CADPS2: variants seen among roughly 807,000 people sequenced by gnomAD.
CADPS2 encodes calcium-dependent secretion activator 2.
Under a neutral mutation model 172.5 loss-of-function variants are expected in CADPS2, and 93 were observed. The observed-to-expected ratio is 0.54, with a 90% confidence interval of 0.46 to 0.64. The LOEUF (loss-of-function observed/expected upper bound fraction) is 0.64. Ranked by LOEUF, CADPS2 falls within the 30% of genes least tolerant of loss-of-function variation. The pLI is 0.00. For synonymous variants in CADPS2, 546 were observed against 555.2 expected, an observed-to-expected ratio of 0.98 and a Z score of 0.23; for missense variants, 1,420 against 1,565.9, an observed-to-expected ratio of 0.91 and a Z score of 1.57.
chr7:122,519,017 AG>A (rs2060584279), intron 8 of CADPS2, among the ~76,000 whole-genome samples: 2 of 152,018 alleles, frequency 1.3e-5, no homozygotes, highest in Non-Finnish European at 1.5e-5. Flanking sequence ...GAAAAACAAA[AG>A]AACACAAATA....
At chr7:122,812,726 G>A (rs1443985240) in intron 1 of CADPS2, among the ~76,000 whole-genome samples, 1 of 152,060 alleles carries the variant, frequency 6.6e-6, no homozygotes, top group Non-Finnish European at 1.5e-5. Flanking sequence ...TCTCCACCGT[G>A]CTCCCAACAC....
intron 2 of CADPS2, among the ~76,000 whole-genome samples, chr7:122,711,782 A>G (rs146776406): frequency 7.2e-4 from 109 of 152,084 alleles, no homozygotes; most frequent in African/African-American, 2.6e-3. Flanking sequence ...CCCCCTGAAT[A>G]GCTGGGATTA....
At chr7:122,571,527 T>G (rs895937138) in intron 7 of CADPS2, among the ~76,000 whole-genome samples, 1 of 152,206 alleles carries the variant, frequency 6.6e-6, no homozygotes, top group South Asian at 2.1e-4. Context: ...TCAGGCCAAC[T>G]TCTCAGAGAA....
intron 8 of CADPS2, among the ~76,000 whole-genome samples, chr7:122,532,424 T>C (rs1292793408): frequency 1.3e-5 from 2 of 152,182 alleles, no homozygotes; most frequent in Non-Finnish European, 2.9e-5. Flanking sequence ...ATAAAGTATT[T>C]CAAATTGCAC....
rs1401929046 is a variant in CADPS2 at position 122,629,315 on chromosome 7, T to C, written c.800A>G (p.Asp267Gly). ...LYNACQLDNADEQAAQIRREL... is the reference protein window; with the variant it reads ...LYNACQLDNAGEQAAQIRREL... ...CCTTCTGATCTGGGCTGCTTGTTCA[T>C]CTGCGTTATCCAGCTTAAAAATAAA... The change falls in exon 4 of 30, where the codon GAT (aspartate) becomes GGT (glycine). Residue 267 changes from aspartate to glycine, a missense_variant. Coordinates refer to ENST00000449022, the MANE Select transcript of CADPS2 (RefSeq NM_017954.11). 6.2e-7 allele frequency: 1 copy of C among 1,608,610 alleles called. No homozygotes were observed. The highest frequency in any genetic ancestry group is 8.5e-7 in the Non-Finnish European group (1 of 1,177,298).
At chr7:122,673,972 A>G (rs2082138074) in intron 2 of CADPS2, among the ~76,000 whole-genome samples, 1 of 151,288 alleles carries the variant, frequency 6.6e-6, no homozygotes, top group Admixed American at 6.6e-5. Flanking sequence ...CCCAACCCTG[A>G]GCGGGGAGGC....
In CADPS2 at chr7:122,837,433, C is replaced by G. The variant is rs547103037; in HGVS notation, c.339+48566G>C. Reference sequence around the variant, plus strand: ...AGGCAAGAAATAACTAAGATCAGAGCACAACTGAAGGCGACAGAGACACAA... The same window carrying G: ...AGGCAAGAAATAACTAAGATCAGAGGACAACTGAAGGCGACAGAGACACAA... On this transcript the variant is annotated intron_variant, in intron 1 of 29. Transcript: ENST00000449022. Among the ~76,000 whole-genome samples the G allele has an allele frequency of 5.3e-5, 8 of 152,226 alleles. No individual in the cohort carries two copies. In the East Asian group the frequency reaches 1.5e-3, roughly 29 times the overall value.
At chr7:122,536,268 G>T (rs2062260870) in intron 8 of CADPS2, among the ~76,000 whole-genome samples, 1 of 152,038 alleles carries the variant, frequency 6.6e-6, no homozygotes, top group Non-Finnish European at 1.5e-5. Context: ...CCTGTTAATT[G>T]CAAAACAGTG....
intron 2 of CADPS2, among the ~76,000 whole-genome samples, chr7:122,704,199 G>C (rs1354040842): frequency 6.6e-6 from 1 of 151,882 alleles, no homozygotes; most frequent in African/African-American, 2.4e-5. Context: ...GTATTCCCTG[G>C]CCTATTTTAG....
At chr7:122,336,037 T>A (rs938561287) in intron 28 of CADPS2, among the ~76,000 whole-genome samples, 11 of 152,218 alleles carry the variant, frequency 7.2e-5, no homozygotes, top group African/African-American at 2.7e-4. Context: ...AGATGATGTG[T>A]TATCTAGGGC....
intron 2 of CADPS2, among the ~76,000 whole-genome samples, chr7:122,703,118 G>C (rs2086434251): frequency 6.6e-6 from 1 of 152,076 alleles, no homozygotes; most frequent in Non-Finnish European, 1.5e-5. Flanking sequence ...ATAACAATTT[G>C]AATAGGCTGT....
chr7:122,713,335 G>A (rs1378696788), intron 2 of CADPS2, among the ~76,000 whole-genome samples: 1 of 152,026 alleles, frequency 6.6e-6, no homozygotes, highest in East Asian at 1.9e-4. Context: ...CTACAACTTA[G>A]GCAACCTATC....
intron 12 of CADPS2, among the ~76,000 whole-genome samples, chr7:122,480,494 C>A (rs1300815884): frequency 6.6e-6 from 1 of 152,108 alleles, no homozygotes; most frequent in Non-Finnish European, 1.5e-5. Context: ...AGATGTAATT[C>A]TACCTATATT....
At chr7:122,870,317 G>A (rs1819429334) in intron 1 of CADPS2, among the ~76,000 whole-genome samples, 1 of 151,890 alleles carries the variant, frequency 6.6e-6, no homozygotes, top group Admixed American at 6.6e-5. Context: ...ATACATATCA[G>A]GCAAAATAGA....
chr7:122,491,412 T>C lies in CADPS2; in HGVS notation c.1551A>G (p.Gln517=), dbSNP rs1169548413. 7.6e-6 allele frequency: 12 copies of C among 1,584,286 alleles called. No individual in the cohort carries two copies. The African/African-American group carries it at 1.1e-4, about 14-fold the overall frequency. ...KRYFVLVQVS[Q]YTFAMCSYRE... ...TATAACTGCACATAGCAAAGGTATA[T>C]TGGCTAACCTGCTCGAGAAAAAAAA... Residue 517 remains glutamine, a synonymous_variant, in exon 10 of 30, where the codon CAA becomes CAG. Coordinates refer to ENST00000449022, the MANE Select transcript of CADPS2 (RefSeq NM_017954.11).
At chr7:122,672,926 T>C (rs1418779604) in intron 2 of CADPS2, among the ~76,000 whole-genome samples, 1 of 152,216 alleles carries the variant, frequency 6.6e-6, no homozygotes, top group African/African-American at 2.4e-5. Context: ...AGATGGTGTG[T>C]CCAGAGTTTG....
intron 7 of CADPS2, among the ~76,000 whole-genome samples, chr7:122,568,202 C>A (rs1425107184): frequency 6.6e-6 from 1 of 152,010 alleles, no homozygotes; most frequent in Non-Finnish European, 1.5e-5. Context: ...AGTTCAAGAC[C>A]AGCCTGGGCA....
At chr7:122,322,921 G>GT (rs1335476474) in intron 29 of CADPS2, among the ~76,000 whole-genome samples, 6 of 152,120 alleles carry the variant, frequency 3.9e-5, no homozygotes, top group Non-Finnish European at 5.9e-5. Flanking sequence ...TGGGTCCTGG[G>GT]TAGAATACAC....
chr7:122,650,637 C>G (rs922439711), intron 3 of CADPS2, among the ~76,000 whole-genome samples: 1 of 152,098 alleles, frequency 6.6e-6, no homozygotes, highest in Non-Finnish European at 1.5e-5. Context: ...TAGCAGAAAC[C>G]TTATTTTAGA....
Sources: allele counts gnomAD v4.1 joint callset (sites outside exome capture counted in the v4.1 genomes callset), GRCh38; gene constraint gnomAD v4.1.1; transcripts MANE v1.5; gene names NCBI Gene and HGNC (gene_info 2026-07-23, HGNC 2026-07-21).